Variants in OSBPL10 observed in about 807,000 individuals in gnomAD.
OSBPL10 encodes oxysterol-binding protein-related protein 10.
Under a neutral mutation model 81.7 loss-of-function variants are expected in OSBPL10, and 49 were observed. That is an observed-to-expected ratio of 0.60 (90% CI 0.48 to 0.76). The LOEUF (loss-of-function observed/expected upper bound fraction) is 0.76, where lower values mean the gene tolerates loss of function less well. Among genes scored for constraint, OSBPL10 ranks in the 30% least tolerant of loss-of-function variants. The probability of loss-of-function intolerance (pLI) is 0.00; values close to 1 mark genes in which losing one functional copy is unlikely to be tolerated. For synonymous variants in OSBPL10, 419 were observed against 383.6 expected (o/e 1.09, Z -1.08); for missense variants, 923 against 987.8 (o/e 0.93, Z 0.88).
At chr3:31,807,499 G>A (rs1405975997) in intron 4 of OSBPL10, among the ~76,000 whole-genome samples, 1 of 151,534 alleles carries the variant, frequency 6.6e-6, no homozygotes, top group African/African-American at 2.4e-5. Context: ...TGGCATGGTG[G>A]CTCATGCCTG....
At chr3:31,882,508 G>A (rs1350051349) in intron 1 of OSBPL10, among the ~76,000 whole-genome samples, 1 of 152,222 alleles carries the variant, frequency 6.6e-6, no homozygotes, top group South Asian at 2.1e-4. Flanking sequence ...ATCTGCTGCA[G>A]GTGAAGTGTG....
At chr3:31,708,492 T>C (rs117472447) in intron 6 of OSBPL10, among the ~76,000 whole-genome samples, 2,228 of 152,328 alleles carry the variant, frequency 0.015, 35 homozygotes, top group South Asian at 0.036. Flanking sequence ...TCTGTATATA[T>C]GTCAATAACA....
intron 6 of OSBPL10, among the ~76,000 whole-genome samples, chr3:31,732,320 G>C (rs1454133409): frequency 6.6e-6 from 1 of 152,150 alleles, no homozygotes; most frequent in African/African-American, 2.4e-5. Flanking sequence ...CACTGTCCGA[G>C]AATATAATCC....
intron 2 of OSBPL10, among the ~76,000 whole-genome samples, chr3:32,024,671 G>A (rs756922981): frequency 2.0e-5 from 3 of 151,858 alleles, no homozygotes; most frequent in African/African-American, 4.8e-5. Context: ...TTTTAGTAGA[G>A]ACAGGGTTTT....
At chr3:31,751,139 C>T (rs1426012021) in intron 4 of OSBPL10, among the ~76,000 whole-genome samples, 2 of 151,952 alleles carry the variant, frequency 1.3e-5, no homozygotes, top group Non-Finnish European at 2.9e-5. Flanking sequence ...AACCACATCC[C>T]TACCAAAAAA....
At chr3:31,846,309 G>T (rs533098114) in intron 3 of OSBPL10, among the ~76,000 whole-genome samples, 36 of 152,262 alleles carry the variant, frequency 2.4e-4, no homozygotes, top group African/African-American at 8.4e-4. Flanking sequence ...CATTGCATCT[G>T]ACCAGAAATG....
At chr3:31,751,379 TAAAATAAAATAA>T (rs553737737) in intron 4 of OSBPL10, among the ~76,000 whole-genome samples, 1 of 13,470 alleles carries the variant, frequency 7.4e-5, no homozygotes, top group African/African-American at 1.7e-3. Flanking sequence ...AACAAACAAA[TAAAATAAAATAA>T]AATAAAATAA....
intron 1 of OSBPL10, among the ~76,000 whole-genome samples, chr3:31,965,775 AT>A (rs1698360505): frequency 1.3e-5 from 1 of 75,820 alleles, no homozygotes; most frequent in African/African-American, 6.0e-5. Flanking sequence ...GATAATATAT[AT>A]TATATAAATA....
chr3:31,783,789 TAAAAAAAAAAAAAAAAAAAAA>T (rs869137696), intron 4 of OSBPL10, among the ~76,000 whole-genome samples: 3 of 19,948 alleles, frequency 1.5e-4, no homozygotes, highest in Non-Finnish European at 2.9e-4. Flanking sequence ...AGACTCCGAT[TAAAAAAAAAAAAAAAAAAAAA>T]AAAAAAAAAA....
intron 2 of OSBPL10, chr3:31,990,966 G>A: frequency 6.4e-7 from 1 of 1,573,884 alleles, no homozygotes; most frequent in East Asian, 2.3e-5. Context: ...AGCGTGGCAA[G>A]GTCTTCAGTT....
At chr3:32,008,725 A>G (rs1414891378) in intron 2 of OSBPL10, among the ~76,000 whole-genome samples, 4 of 147,830 alleles carry the variant, frequency 2.7e-5, no homozygotes, top group Admixed American at 1.4e-4. Flanking sequence ...ACTCCACCAC[A>G]CTCCAGCCTG....
intron 3 of OSBPL10, among the ~76,000 whole-genome samples, chr3:31,836,572 G>T: frequency 7.8e-6 from 1 of 129,030 alleles, no homozygotes; most frequent in Non-Finnish European, 1.5e-5. Context: ...AAATCCTGCT[G>T]ACTCTTCCTT....
In OSBPL10 at chr3:31,787,787, C is replaced by A. The variant is rs563903628; in HGVS notation, c.730-39667G>T. 2.6e-5 allele frequency among the ~76,000 whole-genome samples: 4 copies of A among 152,074 alleles called. No homozygotes were observed. The East Asian group carries it at 5.8e-4, about 22-fold the overall frequency. On this transcript the variant is annotated intron_variant, in intron 4 of 11. Coordinates refer to ENST00000396556, the MANE Select transcript of OSBPL10 (RefSeq NM_017784.5). ...TGCTAAGAAATTTGAAATCTACATGCCTTCTAGGTGCAGTTCAGAATAATT... is the reference window on the plus strand; with the variant it reads ...TGCTAAGAAATTTGAAATCTACATGACTTCTAGGTGCAGTTCAGAATAATT...
At chr3:32,000,119 C>G (rs1034228607) in intron 2 of OSBPL10, among the ~76,000 whole-genome samples, 1 of 152,128 alleles carries the variant, frequency 6.6e-6, no homozygotes, top group Non-Finnish European at 1.5e-5. Flanking sequence ...GTCATACCAG[C>G]TTATTCTATT....
rs537149885 is a variant in OSBPL10 at position 31,795,134 on chromosome 3, C to CTTT, written c.729+34903_729+34905dup. The CTTT allele has an allele frequency of 3.9e-4, 28 of 71,514 alleles. 1 individual carries two copies. Among genetic ancestry groups the CTTT allele is most frequent in the Admixed American group, 1.6e-3 (7 of 4,318 alleles). The allele number at this position is 71,514 out of a possible 1,614,324, so 4.4% of individuals were successfully genotyped here. ...TACAGCTGCGAAGAATTCATAAAAC[C>CTTT]TTTTTTTTTTTTTTTTTTTTTTTTT... On this transcript the variant is annotated intron_variant, in intron 4 of 11. Coordinates refer to ENST00000396556, the MANE Select transcript of OSBPL10 (RefSeq NM_017784.5).
intron 2 of OSBPL10, among the ~76,000 whole-genome samples, chr3:32,039,838 T>C (rs997771841): frequency 1.3e-4 from 20 of 152,112 alleles, no homozygotes; most frequent in African/African-American, 4.6e-4. Flanking sequence ...ATGTAGAAGA[T>C]GGAAACTTAT....
intron 4 of OSBPL10, among the ~76,000 whole-genome samples, chr3:31,803,458 C>A (rs548416565): frequency 1.8e-4 from 27 of 152,334 alleles, no homozygotes; most frequent in Non-Finnish European, 3.4e-4. Flanking sequence ...AAGTACCTCA[C>A]ATGTATGATG....
At chr3:31,825,323 C>T (rs1014607583) in intron 4 of OSBPL10, among the ~76,000 whole-genome samples, 3 of 151,952 alleles carry the variant, frequency 2.0e-5, no homozygotes, top group Non-Finnish European at 4.4e-5. Flanking sequence ...ATCTTCCAGT[C>T]CAAGAATTTT....
chr3:31,812,787 A>G (rs1461500974), intron 4 of OSBPL10, among the ~76,000 whole-genome samples: 4 of 53,012 alleles, frequency 7.5e-5, no homozygotes, highest in African/African-American at 3.5e-4. Context: ...AGAAAGAAAG[A>G]AAGAAAGAAA....
Sources: gnomAD v4.1 joint callset for allele counts (sites outside exome capture counted in the v4.1 genomes callset) on GRCh38, gnomAD v4.1.1 for gene constraint, MANE v1.5 for transcripts, NCBI Gene and HGNC (gene_info 2026-07-23, HGNC 2026-07-21) for gene names.